The following KLHL20 variants were observed in gnomAD, a reference collection of about 807,000 sequenced individuals.
KLHL20 encodes the protein kelch like family member 20.
In KLHL20, 29 loss-of-function variants were observed where a neutral mutation model predicts 69.5. The observed-to-expected ratio is 0.42, with a 90% CI of 0.31 to 0.57. KLHL20 has a LOEUF of 0.57. Among genes scored for constraint, KLHL20 ranks in the 20% least tolerant of loss-of-function variants. The probability of loss-of-function intolerance (pLI) is 0.18; values close to 1 mark genes in which losing one functional copy is unlikely to be tolerated. For synonymous variants in KLHL20, 253 were observed against 265.2 expected, an observed-to-expected ratio of 0.95 and a Z score of 0.45; for missense variants, 419 against 776.0, an observed-to-expected ratio of 0.54 and a Z score of 5.47.
intron 10 of KLHL20, among the ~76,000 whole-genome samples, chr1:173,779,061 G>T (rs1262978078): frequency 1.3e-5 from 2 of 151,684 alleles, no homozygotes; most frequent in Non-Finnish European, 2.9e-5. Context: ...GTACTTTTTT[G>T]ATGTAGGCTC....
At chr1:173,740,684 A>G (rs939631708) in intron 3 of KLHL20, among the ~76,000 whole-genome samples, 1 of 151,214 alleles carries the variant, frequency 6.6e-6, no homozygotes, top group Non-Finnish European at 1.5e-5. Flanking sequence ...TTTAATTTCC[A>G]TGTATTTGCG....
At chr1:173,771,809 A>G (rs923887223) in intron 8 of KLHL20, among the ~76,000 whole-genome samples, 1 of 152,190 alleles carries the variant, frequency 6.6e-6, no homozygotes, top group East Asian at 1.9e-4. Context: ...TGCTCTAGCT[A>G]TGTACTCAAT....
intron 2 of KLHL20, among the ~76,000 whole-genome samples, chr1:173,729,030 A>C (rs1483801817): frequency 1.3e-5 from 2 of 152,244 alleles, no homozygotes; most frequent in Non-Finnish European, 2.9e-5. Context: ...GCAATAAAAA[A>C]TGATAAAGGG....
At chr1:173,770,635 G>T (rs1215302678) in intron 8 of KLHL20, among the ~76,000 whole-genome samples, 3 of 147,456 alleles carry the variant, frequency 2.0e-5, no homozygotes, top group Non-Finnish European at 4.4e-5. Flanking sequence ...AGCCGAGGTC[G>T]CACCATTGAG....
rs1335947561 is a variant in KLHL20, at chr1:173,757,111, A to G, written c.1103A>G (p.Tyr368Cys). 3 of 1,614,052 alleles carry G rather than the reference A, an allele frequency of 1.9e-6. No individual in the cohort carries two copies. Among genetic ancestry groups the G allele is most frequent in the Non-Finnish European group, 1.7e-6 (2 of 1,179,994 alleles). Residue 368 changes from tyrosine (Y) to cysteine (C), a missense_variant, in exon 7 of 12, where the codon TAT (tyrosine) becomes TGT (cysteine). By Grantham distance (194) the Tyr-to-Cys change is radical. Coordinates refer to ENST00000209884, the MANE Select transcript of KLHL20 (RefSeq NM_014458.4). ...VGVSVLDDLL[Y>C]AVGGHDGSSY... ...GTCAGTGTTCTTGATGATCTGTTAT[A>G]TGCAGTAGGAGGCCATGATGGATCC...
chr1:173,763,882 A>AAC (rs3052368), intron 7 of KLHL20, among the ~76,000 whole-genome samples: 2 of 151,530 alleles, frequency 1.3e-5, no homozygotes, highest in Non-Finnish European at 2.9e-5. Context: ...AAAAAAAAAA[A>AAC]CAGCTGGGAC....
At chr1:173,730,123 C>G (rs557180094) in intron 2 of KLHL20, among the ~76,000 whole-genome samples, 172 of 152,178 alleles carry the variant, frequency 1.1e-3, no homozygotes, top group African/African-American at 4.0e-3. Flanking sequence ...TTCACAATTG[C>G]TACAAAGAGA....
intron 2 of KLHL20, among the ~76,000 whole-genome samples, chr1:173,733,173 C>G (rs1044067575): frequency 9.9e-5 from 15 of 151,862 alleles, no homozygotes; most frequent in Non-Finnish European, 2.2e-4. Flanking sequence ...GCATGTGCCA[C>G]CACACACGGC....
At chr1:173,725,782 G>A (rs532024210) in intron 2 of KLHL20, among the ~76,000 whole-genome samples, 5 of 152,302 alleles carry the variant, frequency 3.3e-5, no homozygotes, top group South Asian at 4.1e-4. Flanking sequence ...CAAGATGGCC[G>A]AATAGGAACA....
At chr1:173,725,383 G>A (rs1052816008) in intron 2 of KLHL20, among the ~76,000 whole-genome samples, 7 of 152,154 alleles carry the variant, frequency 4.6e-5, no homozygotes, top group African/African-American at 1.7e-4. Context: ...TAAAAGGAGG[G>A]CATTATGCTA....
At chr1:173,765,349 A>G (rs929760795) in intron 7 of KLHL20, among the ~76,000 whole-genome samples, 1 of 152,174 alleles carries the variant, frequency 6.6e-6, no homozygotes, top group African/African-American at 2.4e-5. Context: ...TAAAAATACA[A>G]AAAAAGAGAC....
chr1:173,782,742 A>G (rs780964899), intron 11 of KLHL20, among the ~76,000 whole-genome samples: 1 of 152,234 alleles, frequency 6.6e-6, no homozygotes, highest in Non-Finnish European at 1.5e-5. Flanking sequence ...CTTATTTAAG[A>G]GAGCTTAACT....
At chr1:173,726,085 C>A (rs543176065) in intron 2 of KLHL20, among the ~76,000 whole-genome samples, 1 of 152,134 alleles carries the variant, frequency 6.6e-6, no homozygotes, top group Non-Finnish European at 1.5e-5. Flanking sequence ...GCAAACGGCA[C>A]GCCAGGAGAT....
chr1:173,746,918 G>A (rs1673085336), intron 3 of KLHL20, among the ~76,000 whole-genome samples: 1 of 144,978 alleles, frequency 6.9e-6, no homozygotes, highest in Non-Finnish European at 1.6e-5. Context: ...AGTCTTTAGT[G>A]CTTCATTATC....
chr1:173,732,978 T>C (rs1012588331), intron 2 of KLHL20, among the ~76,000 whole-genome samples: 11 of 151,926 alleles, frequency 7.2e-5, no homozygotes, highest in Non-Finnish European at 8.8e-5. Flanking sequence ...TTTAATAAAC[T>C]TTGAAGAAAA....
At chr1:173,734,349 G>T (rs1292397953) in intron 3 of KLHL20, 63 bp downstream of exon 3, 1 of 1,341,468 alleles carries the variant, frequency 7.5e-7, no homozygotes, top group African/African-American at 1.4e-5. Context: ...TTCACATTCT[G>T]CTAAATAACA....
At chr1:173,773,466 T>A (rs1039711096) in intron 8 of KLHL20, among the ~76,000 whole-genome samples, 6 of 150,874 alleles carry the variant, frequency 4.0e-5, no homozygotes, top group East Asian at 1.9e-4. Flanking sequence ...AAAATTTTTT[T>A]AAATGTAATG....
intron 2 of KLHL20, among the ~76,000 whole-genome samples, chr1:173,724,754 G>A (rs557120547): frequency 7.2e-4 from 110 of 152,288 alleles, no homozygotes; most frequent in African/African-American, 2.3e-3. Context: ...GTAGTAAGCC[G>A]TGATCAAACC....
intron 1 of KLHL20, 73 bp downstream of exon 1, chr1:173,715,151 C>T (rs1455163546): frequency 6.6e-6 from 1 of 152,392 alleles, no homozygotes; most frequent in African/African-American, 2.4e-5. Flanking sequence ...GATATGTGGT[C>T]CCAAGTTGCT....
Sources: allele counts gnomAD v4.1 joint callset (sites outside exome capture counted in the v4.1 genomes callset), GRCh38; gene constraint gnomAD v4.1.1; transcripts MANE v1.5; gene names NCBI Gene and HGNC (gene_info 2026-07-23, HGNC 2026-07-21).